Variants in KCTD16 observed in about 807,000 individuals in gnomAD.
KCTD16 encodes potassium channel tetramerization domain containing 16.
In KCTD16, 13 loss-of-function variants were observed where a neutral mutation model predicts 33.2. The ratio of observed to expected loss-of-function variants is 0.39; its 90% CI spans 0.25 to 0.62. The LOEUF is 0.62. KCTD16 is among the 20% of genes least tolerant of loss of function. The pLI, the probability that KCTD16 is intolerant of heterozygous loss-of-function variation, is 0.50. For synonymous variants in KCTD16, 197 were observed against 195.3 expected, an observed-to-expected ratio of 1.01 and a Z score of -0.07; for missense variants, 441 against 525.1, an observed-to-expected ratio of 0.84 and a Z score of 1.57.
chr5:144,447,219 A>C (rs767793634), intron 3 of KCTD16, among the ~76,000 whole-genome samples: 11 of 152,188 alleles, frequency 7.2e-5, no homozygotes, highest in African/African-American at 2.7e-4. Flanking sequence ...ATAGAATACT[A>C]TTCAGCCATA....
At position 144,479,027 on chromosome 5, in the gene KCTD16, C is replaced by A. The variant is rs1754651133; in HGVS notation, c.*4913C>A. On this transcript the variant is annotated 3_prime_UTR_variant, in exon 4 of 4. Coordinates refer to ENST00000512467, the MANE Select transcript of KCTD16 (RefSeq NM_020768.4). Reference sequence around the variant, plus strand: ...CTGAGTGAGATGTATTCTAATGATACCCAACAAGAAATAAAAATAATGATC... The same window carrying A: ...CTGAGTGAGATGTATTCTAATGATAACCAACAAGAAATAAAAATAATGATC... 2.0e-5 allele frequency: 3 copies of A among 151,776 alleles called. No homozygotes were observed. 9.4% of individuals were successfully genotyped at this position (151,776 alleles called of 1,614,324 possible).
At chr5:144,222,391 A>G (rs1365917033) in intron 3 of KCTD16, among the ~76,000 whole-genome samples, 2 of 152,234 alleles carry the variant, frequency 1.3e-5, no homozygotes, top group Non-Finnish European at 1.5e-5. Context: ...AGTAAGATGC[A>G]TAACAACTAT....
chr5:144,339,574 G>C (rs865956054), intron 3 of KCTD16, among the ~76,000 whole-genome samples: 11 of 152,122 alleles, frequency 7.2e-5, no homozygotes, highest in African/African-American at 1.9e-4. Context: ...TCTCCATAAT[G>C]CCTGACATGT....
intron 3 of KCTD16, among the ~76,000 whole-genome samples, chr5:144,333,184 C>G (rs1752400789): frequency 6.6e-6 from 1 of 152,116 alleles, no homozygotes; most frequent in South Asian, 2.1e-4. Context: ...TAAGCAATGA[C>G]TTTTAAAAAA....
intron 3 of KCTD16, among the ~76,000 whole-genome samples, chr5:144,288,767 C>T (rs1163789832): frequency 1.3e-5 from 2 of 151,980 alleles, no homozygotes; most frequent in Non-Finnish European, 2.9e-5. Flanking sequence ...GTCAGGAGTT[C>T]GAGACTGGCC....
chr5:144,416,042 T>C (rs2126957437), intron 3 of KCTD16, among the ~76,000 whole-genome samples: 1 of 152,334 alleles, frequency 6.6e-6, no homozygotes, highest in Non-Finnish European at 1.5e-5. Flanking sequence ...TCGCTCATCA[T>C]TCATTGACCA....
intron 3 of KCTD16, among the ~76,000 whole-genome samples, chr5:144,394,494 AC>A (rs1752521304): frequency 6.6e-6 from 1 of 152,210 alleles, no homozygotes; most frequent in Non-Finnish European, 1.5e-5. Flanking sequence ...ATGACTAATG[AC>A]CCATATGAAC....
chr5:144,342,204 T>C (rs1752666134), intron 3 of KCTD16, among the ~76,000 whole-genome samples: 1 of 152,206 alleles, frequency 6.6e-6, no homozygotes, highest in Non-Finnish European at 1.5e-5. Context: ...TTCCTACCCA[T>C]GAGCATGGAA....
intron 3 of KCTD16, among the ~76,000 whole-genome samples, chr5:144,286,314 G>A (rs1047128633): frequency 3.3e-5 from 5 of 152,036 alleles, no homozygotes; most frequent in Non-Finnish European, 2.9e-5. Context: ...TAGATTCTCT[G>A]ACAGAGGCAT....
intron 3 of KCTD16, among the ~76,000 whole-genome samples, chr5:144,340,366 C>A (rs112437963): frequency 1.2e-3 from 179 of 144,086 alleles, no homozygotes; most frequent in African/African-American, 4.2e-3. Context: ...TGCGTCACTG[C>A]ACTCCAGCCT....
chr5:144,352,399 A>G (rs1274961321), intron 3 of KCTD16, among the ~76,000 whole-genome samples: 1 of 152,296 alleles, frequency 6.6e-6, no homozygotes. Flanking sequence ...TGATAACTGA[A>G]TGAATACTAG....
chr5:144,405,839 G>T (rs929777784), intron 3 of KCTD16, among the ~76,000 whole-genome samples: 3 of 152,170 alleles, frequency 2.0e-5, no homozygotes, highest in Non-Finnish European at 4.4e-5. Context: ...AGACAGTAGG[G>T]CTCTCTGGGC....
intron 3 of KCTD16, among the ~76,000 whole-genome samples, chr5:144,266,970 T>A (rs1298604130): frequency 6.6e-6 from 1 of 152,220 alleles, no homozygotes; most frequent in African/African-American, 2.4e-5. Context: ...CAAAAGTAAT[T>A]GCGATTTTTG....
At chr5:144,388,095 T>TG (rs1752368351) in intron 3 of KCTD16, among the ~76,000 whole-genome samples, 1 of 127,490 alleles carries the variant, frequency 7.8e-6, no homozygotes, top group African/African-American at 3.0e-5. Context: ...TTTTTTTTTT[T>TG]GAGATGGAGT....
intron 2 of KCTD16, among the ~76,000 whole-genome samples, chr5:144,182,286 C>G (rs796564597): frequency 1.4e-4 from 21 of 152,270 alleles, no homozygotes; most frequent in African/African-American, 5.1e-4. Flanking sequence ...GCACCATGCT[C>G]TTGGACTTCA....
intron 3 of KCTD16, among the ~76,000 whole-genome samples, chr5:144,381,038 C>A (rs1752201874): frequency 6.6e-6 from 1 of 152,044 alleles, no homozygotes; most frequent in Admixed American, 6.6e-5. Flanking sequence ...TGGGATAAGA[C>A]ATTTGCAAAC....
chr5:144,388,316 C>T (rs931830305), intron 3 of KCTD16, among the ~76,000 whole-genome samples: 1 of 151,848 alleles, frequency 6.6e-6, no homozygotes, highest in Admixed American at 6.6e-5. Context: ...CTACTGACCT[C>T]GTGATCCGCC....
chr5:144,231,325 C>G (rs1354490870), intron 3 of KCTD16, among the ~76,000 whole-genome samples: 1 of 151,992 alleles, frequency 6.6e-6, no homozygotes, highest in Non-Finnish European at 1.5e-5. Flanking sequence ...AGCACATACT[C>G]TCTATCAAGT....
chr5:144,278,389 T>C (rs576093055), intron 3 of KCTD16, among the ~76,000 whole-genome samples: 68 of 152,066 alleles, frequency 4.5e-4, no homozygotes, highest in African/African-American at 1.6e-3. Flanking sequence ...CACCTTGTCC[T>C]GTTTACTGTC....
Sources: allele counts gnomAD v4.1 joint callset (sites outside exome capture counted in the v4.1 genomes callset), GRCh38; gene constraint gnomAD v4.1.1; transcripts MANE v1.5; gene names NCBI Gene and HGNC (gene_info 2026-07-23, HGNC 2026-07-21).